MOV10: variants seen among roughly 807,000 people sequenced by gnomAD.
MOV10 encodes the protein Mov10 RNA helicase.
In MOV10, 39 loss-of-function variants were observed where a neutral mutation model predicts 108.4. The ratio of observed to expected loss-of-function variants is 0.36; its 90% CI spans 0.28 to 0.47. The LOEUF (loss-of-function observed/expected upper bound fraction) is 0.47, where lower values mean the gene tolerates loss of function less well. Among genes scored for constraint, MOV10 ranks in the 20% least tolerant of loss-of-function variants. The pLI is 1.00. For missense variants in MOV10, 952 were observed against 1,297.6 expected, an observed-to-expected ratio of 0.73 and a Z score of 4.09; for synonymous variants, 490 against 523.1, an observed-to-expected ratio of 0.94 and a Z score of 0.86.
intron 1 of MOV10, 27 bp downstream of exon 1, chr1:112,674,756 C>T (rs769621489): frequency 7.7e-6 from 5 of 648,724 alleles, no homozygotes; most frequent in Non-Finnish European, 1.3e-5. Flanking sequence ...GGAGGGAAGC[C>T]TGGTGGGGAG....
chr1:112,677,555 C>T lies in MOV10; in HGVS notation c.137+2506C>T, dbSNP rs117984661. The stretch of plus-strand genomic sequence containing the variant: ...TCACGTTACACTCTGCTTTATGGCA[C>T]GTGGTCATCTCCTCCTGGTACCAAA... On this transcript the variant is annotated intron_variant, in intron 2 of 20. Coordinates refer to ENST00000369645, the MANE Select transcript of MOV10 (RefSeq NM_001321324.2). Among the ~76,000 whole-genome samples the T allele has an allele frequency of 9.7e-4, 148 of 152,166 alleles. 3 individuals carry two copies. The East Asian group carries it at 0.024, about 24-fold the overall frequency.
In MOV10 at chr1:112,694,179, G is replaced by T; in HGVS notation, c.1295+7G>T. 1 of 1,614,126 alleles carries T rather than the reference G, an allele frequency of 6.2e-7. No homozygotes were observed. Among genetic ancestry groups the T allele is most frequent in the Non-Finnish European group, 8.5e-7 (1 of 1,179,990 alleles). ...AGCTGAGCTTTTCCATGAGGTGGGT[G>T]TTGGGGGAACCCTGAGCTGCTGGAA... On this transcript the variant is annotated splice_region_variant and intron_variant, in intron 8 of 20. Transcript: ENST00000369645. The surrounding 1 kb of genome is among the most constrained non-coding windows in gnomAD (Gnocchi z 4.1).
At position 112,693,065 on chromosome 1, in the gene MOV10, G is replaced by T. The variant is rs916891457; in HGVS notation, c.1140+136G>T. On this transcript the variant is annotated intron_variant, in intron 7 of 20. Coordinates refer to ENST00000369645, the MANE Select transcript of MOV10 (RefSeq NM_001321324.2). ...TTCCCAGGGCTCCGCAAGAAGCAGGGTGGGCATCCTGTGCCCAAAGATGTG... is the reference window on the plus strand; with the variant it reads ...TTCCCAGGGCTCCGCAAGAAGCAGGTTGGGCATCCTGTGCCCAAAGATGTG... The T allele has an allele frequency of 6.4e-5, 52 of 813,030 alleles. No individual in the cohort carries two copies. The highest frequency in any genetic ancestry group is 1.9e-4 in the Admixed American group (7 of 36,986). The allele number at this position is 813,030 out of a possible 1,614,324, so 50.4% of individuals were successfully genotyped here.
rs375776210 is a variant in MOV10, at chr1:112,696,218, G to A, written c.1850G>A (p.Arg617Gln). 8.1e-6 allele frequency: 13 copies of A among 1,613,678 alleles called. No individual in the cohort carries two copies. The highest frequency in any genetic ancestry group is 4.5e-5 in the East Asian group (2 of 44,880). Residue 617 changes from arginine to glutamine, a missense_variant, in exon 12 of 21, where the codon CGG becomes CAG. Physicochemically the swap from Arg to Gln is conservative, Grantham distance 43. Coordinates refer to ENST00000369645, the MANE Select transcript of MOV10 (RefSeq NM_001321324.2). ...GCCAAGAAGAAGCTGCAGGAATACC[G>A]GGTCTTAATTACCACCCTCATCACT... ...FPAKKKLQEY[R>Q]VLITTLITAG...
Position 112,698,095 on chromosome 1 carries a change from C to T in MOV10, c.2300C>T (p.Ala767Val), listed in dbSNP as rs115341385. ...VVDRERFCRW[A>V]GLPRQGFPII... ...GATCGAGAACGCTTCTGCCGCTGGG[C>T]GGGCCTACCTCGACAGGTGAGGCTG... The change falls in exon 15 of 21, where the codon GCG becomes GTG. Residue 767 changes from alanine to valine, a missense_variant. Ala to Val is a moderately conservative substitution (Grantham distance 64, BLOSUM62 0). Coordinates refer to ENST00000369645, the MANE Select transcript of MOV10 (RefSeq NM_001321324.2). The T allele has an allele frequency of 5.0e-5, 80 of 1,613,904 alleles. 1 individual carries two copies. In the East Asian group the frequency reaches 9.4e-4, roughly 19 times the overall value.
intron 17 of MOV10, 119 bp downstream of exon 17, chr1:112,698,908 A>T: frequency 2.4e-6 from 2 of 841,976 alleles, no homozygotes; most frequent in Admixed American, 3.6e-5. Context: ...GCTGCCTTGA[A>T]TAGAGCTCGA....
At chr1:112,696,088 G>C in intron 11 of MOV10, 60 bp from the exon 12 acceptor site, 1 of 1,164,570 alleles carries the variant, frequency 8.6e-7, no homozygotes, top group Non-Finnish European at 1.3e-6. Flanking sequence ...CCCACAGCCA[G>C]AATCACGGTG....
chr1:112,697,584 A>G (rs1674223021), intron 14 of MOV10, among the ~76,000 whole-genome samples: 1 of 152,190 alleles, frequency 6.6e-6, no homozygotes, highest in Non-Finnish European at 1.5e-5. Flanking sequence ...TGCTTAGATA[A>G]GTTTTATGCT....
chr1:112,698,126 G>A lies in MOV10; in HGVS notation c.2316+15G>A. On this transcript the variant is annotated intron_variant, in intron 15 of 20. Coordinates refer to ENST00000369645, the MANE Select transcript of MOV10 (RefSeq NM_001321324.2). The stretch of plus-strand genomic sequence containing the variant: ...TACCTCGACAGGTGAGGCTGAGCAG[G>A]GCAGGCCCCACCCCTGTACCCTGAC... 6.2e-7 allele frequency: 1 copy of A among 1,612,682 alleles called. No homozygotes were observed. The highest frequency in any genetic ancestry group is 1.3e-5 in the African/African-American group (1 of 75,032).
chr1:112,688,901 T>G, intron 2 of MOV10, 34 bp from the exon 3 acceptor site: 1 of 1,611,044 alleles, frequency 6.2e-7, no homozygotes. Context: ...AGCCCTGCCT[T>G]CCCTCACTTC....
At chr1:112,686,065 AG>A (rs1673060790) in intron 2 of MOV10, among the ~76,000 whole-genome samples, 1 of 152,198 alleles carries the variant, frequency 6.6e-6, no homozygotes. Flanking sequence ...TGCTTCAGAC[AG>A]GGCATGCACT....
chr1:112,695,035 T>G, intron 10 of MOV10, 139 bp downstream of exon 10: 2 of 1,076,762 alleles, frequency 1.9e-6, no homozygotes, highest in Non-Finnish European at 2.6e-6. Flanking sequence ...AGGGGCCGGG[T>G]GCAGTGGCTC....
In MOV10 at chr1:112,692,775, C is replaced by T; in HGVS notation, c.986C>T (p.Thr329Ile). 3 of 1,614,092 alleles carry T rather than the reference C, an allele frequency of 1.9e-6. No homozygotes were observed. Among genetic ancestry groups the T allele is most frequent in the Non-Finnish European group, 2.5e-6 (3 of 1,180,034 alleles). Residue 329 changes from threonine (T) to isoleucine (I), a missense_variant, in exon 7 of 21, where the codon ACA (threonine) becomes ATA (isoleucine). Physicochemically the swap from Thr to Ile is moderately conservative, Grantham distance 89. This residue lies in a region of MOV10 where 374 missense variants were observed against 468.6 expected (regional missense o/e 0.80). Coordinates refer to ENST00000369645, the MANE Select transcript of MOV10 (RefSeq NM_001321324.2). The part of the protein sequence containing the change: ...EIAEIKAQLE[T>I]ALKWRNYEVK... ...ATCATTTCCAGGGCCCAGCTGGAGACAGCCCTGAAGTGGAGGAACTATGAG... is the reference window on the plus strand; with the variant it reads ...ATCATTTCCAGGGCCCAGCTGGAGATAGCCCTGAAGTGGAGGAACTATGAG...
intron 2 of MOV10, among the ~76,000 whole-genome samples, chr1:112,685,765 T>C (rs1673032986): frequency 6.6e-6 from 1 of 152,148 alleles, no homozygotes; most frequent in Non-Finnish European, 1.5e-5. Flanking sequence ...ATAATAAGTT[T>C]GTGATTTTTT....
intron 2 of MOV10, among the ~76,000 whole-genome samples, chr1:112,685,826 G>A (rs1419798510): frequency 2.0e-5 from 3 of 152,056 alleles, no homozygotes; most frequent in African/African-American, 7.3e-5. Flanking sequence ...GGTGAATTTG[G>A]GTAGTGATGA....
Position 112,700,703 on chromosome 1 carries a change from A to G in MOV10, c.*196A>G, listed in dbSNP as rs1158591950. The G allele has an allele frequency of 1.3e-6, 2 of 1,522,912 alleles. No individual in the cohort carries two copies. The highest frequency in any genetic ancestry group is 2.5e-5 in the East Asian group (1 of 40,700). The allele number at this position is 1,522,912 out of a possible 1,614,324, so 94.3% of individuals were successfully genotyped here. A position where few individuals can be genotyped will look rare whatever the true frequency, so the allele number is the denominator to read the frequency against. On this transcript the variant is annotated 3_prime_UTR_variant, in exon 21 of 21. Coordinates refer to ENST00000369645, the MANE Select transcript of MOV10 (RefSeq NM_001321324.2). ...CTAACAATTGGGGGAAGGGGAAGGA[A>G]GAAAACTCTGAAAACAAAATCTTGT...
At position 112,700,645 on chromosome 1, in the gene MOV10, C is replaced by T. The variant is rs372938255; in HGVS notation, c.*138C>T. On this transcript the variant is annotated 3_prime_UTR_variant, in exon 21 of 21. Transcript: ENST00000369645. ...TTTACAACCCAAGCCATTCCACCCC[C>T]TCCCCTGCTGGGGAGAATGACACAT... is the stretch of plus-strand genomic sequence containing the variant. 4 of 1,541,630 alleles carry T rather than the reference C, an allele frequency of 2.6e-6. No individual in the cohort carries two copies. The highest frequency in any genetic ancestry group is 1.7e-6 in the Non-Finnish European group (2 of 1,145,818).
chr1:112,699,758 G>A lies in MOV10; in HGVS notation c.2657G>A (p.Ser886Asn). 6.2e-7 allele frequency: 1 copy of A among 1,614,240 alleles called. No homozygotes were observed. The highest frequency in any genetic ancestry group is 1.1e-5 in the South Asian group (1 of 91,084). Residue 886 changes from serine (S) to asparagine (N), a missense_variant, in exon 18 of 21, where the codon AGC (serine) becomes AAC (asparagine). Physicochemically the swap from Ser to Asn is conservative, Grantham distance 46 (BLOSUM62 1). This residue lies in a region of MOV10 where 65 missense variants were observed against 124.3 expected (regional missense o/e 0.52). Transcript: ENST00000369645. ...ILISTVRSSQ[S>N]FVQLDLDFNL... ...ATCTCCACCGTGCGAAGCAGCCAGA[G>A]CTTTGTGCAGCTGGATCTGGACTTT...
Position 112,689,890 on chromosome 1 carries a change from T to G in MOV10, c.628T>G (p.Phe210Val). ...VHCKTSFVGYFPATVLWELLG... is the reference protein window; with the variant it reads ...VHCKTSFVGYVPATVLWELLG... Reference sequence around the variant, plus strand: ...TTGTAAGACCAGCTTTGTGGGCTACTTCCCAGCCACAGTGCTCTGGGAGCT... The same window carrying G: ...TTGTAAGACCAGCTTTGTGGGCTACGTCCCAGCCACAGTGCTCTGGGAGCT... Residue 210 changes from phenylalanine (F) to valine (V), a missense_variant, in exon 5 of 21, where the codon TTC becomes GTC. By Grantham distance (50) the Phe-to-Val change is conservative (BLOSUM62 -1). Transcript: ENST00000369645. 6.2e-7 allele frequency: 1 copy of G among 1,614,226 alleles called. No individual in the cohort carries two copies. Among genetic ancestry groups the G allele is most frequent in the South Asian group, 1.1e-5 (1 of 91,086 alleles).
Sources: allele counts gnomAD v4.1 joint callset (sites outside exome capture counted in the v4.1 genomes callset), GRCh38; gene constraint gnomAD v4.1.1; regional missense constraint gnomAD v4.1.1; non-coding constraint Gnocchi (gnomAD v3.1); transcripts MANE v1.5; gene names NCBI Gene and HGNC (gene_info 2026-07-23, HGNC 2026-07-21).